Variants in KLK14 observed in about 807,000 individuals in gnomAD.
The protein encoded by KLK14 is kallikrein related peptidase 14.
In KLK14, 21 loss-of-function variants were observed where a neutral mutation model predicts 24.6. That is an observed-to-expected ratio of 0.85 (90% confidence interval 0.61 to 1.23). The LOEUF (loss-of-function observed/expected upper bound fraction) is 1.23, where lower values mean the gene tolerates loss of function less well. Among genes scored for constraint, KLK14 ranks in the 50% most tolerant of loss-of-function variants. The pLI is 0.00. For synonymous variants in KLK14, 133 were observed against 139.7 expected (o/e 0.95, Z 0.34); for missense variants, 320 against 338.9 (o/e 0.94, Z 0.44).
Position 51,082,486 on chromosome 19 carries a change from T to C in KLK14, c.40+89A>G, listed in dbSNP as rs1206418919. 5.0e-6 allele frequency: 6 copies of C among 1,205,746 alleles called. No homozygotes were observed. The East Asian group carries it at 1.4e-4, about 28-fold the overall frequency. The allele number at this position is 1,205,746 out of a possible 1,614,324, so 74.7% of individuals were successfully genotyped here. A position where few individuals can be genotyped will look rare whatever the true frequency, so the allele number is the denominator to read the frequency against. On this transcript the variant is annotated intron_variant, in intron 2 of 5. Coordinates refer to ENST00000650543, the MANE Select transcript of KLK14 (RefSeq NM_001369775.2). The stretch of plus-strand genomic sequence containing the variant: ...CCTGCTCTTTCTTATGAGGTCACCA[T>C]GAGCATCCAGGGGCCCCAAGGACCC...
chr19:51,081,435 A>G (rs2091838421), intron 3 of KLK14, 97 bp downstream of exon 3: 2 of 1,162,572 alleles, frequency 1.7e-6, no homozygotes, highest in South Asian at 2.7e-5. Flanking sequence ...CAGCCACTAC[A>G]TTGGGTTCTA....
At chr19:51,083,878 C>T (rs1599799952), upstream of KLK14, among the ~76,000 whole-genome samples, 1 of 152,086 alleles carries the variant, frequency 6.6e-6, no homozygotes, top group African/African-American at 2.4e-5. Context: ...AGAACAACAG[C>T]GATGATGATG....
rs1203914292 is a variant in KLK14 at position 51,078,753 on chromosome 19, C to A, written c.603+62G>T. The stretch of plus-strand genomic sequence containing the variant: ...CCTCTGCAGACTTCCATGCTCCTGA[C>A]ATCATTTGCTTAAATCCCAGTCCCA... On this transcript the variant is annotated intron_variant, in intron 5 of 5. Transcript: ENST00000650543. The surrounding 1 kb of genome is among the most constrained non-coding windows in gnomAD (Gnocchi z 5.0). 1.2e-5 allele frequency: 19 copies of A among 1,587,052 alleles called. No individual in the cohort carries two copies. The highest frequency in any genetic ancestry group is 1.5e-5 in the Non-Finnish European group (18 of 1,165,470).
rs991753258 is a variant in KLK14 at position 51,078,506 on chromosome 19, G to A, written c.603+309C>T. 1.3e-5 allele frequency among the ~76,000 whole-genome samples: 2 copies of A among 152,082 alleles called. No individual in the cohort carries two copies. Among genetic ancestry groups the A allele is most frequent in the African/African-American group, 2.4e-5 (1 of 41,378 alleles). ...TAAGATTTCTAGAAGCCTCAGCACA[G>A]CCTTTCCCAGACCCATATGAGCAGA... On this transcript the variant is annotated intron_variant, in intron 5 of 5. Transcript: ENST00000650543. This position sits in a 1 kb window ranked among gnomAD's most constrained non-coding sequence, Gnocchi z 5.0.
upstream of KLK14, among the ~76,000 whole-genome samples, chr19:51,083,129 G>A (rs193176865): frequency 1.5e-4 from 23 of 152,152 alleles, no homozygotes; most frequent in African/African-American, 5.5e-4. Flanking sequence ...CCCCAGGGCA[G>A]GGTGGGCAGG....
chr19:51,081,389 T>TG (rs112990539), intron 3 of KLK14, 143 bp downstream of exon 3: 253,204 of 663,850 alleles, frequency 0.38, 53,824 homozygotes, highest in African/African-American at 0.65. Context: ...GCTGTGTTTT[T>TG]GTTCCAGGCT....
upstream of KLK14, chr19:51,083,994 A>G (rs1412955716): frequency 1.3e-5 from 2 of 153,288 alleles, no homozygotes; most frequent in East Asian, 1.9e-4. Flanking sequence ...ATGGGCACCT[A>G]CAGGGGATGG....
chr19:51,080,892 C>T (rs983364246), intron 3 of KLK14, among the ~76,000 whole-genome samples: 7 of 152,082 alleles, frequency 4.6e-5, no homozygotes, highest in Non-Finnish European at 4.4e-5. Context: ...AGGCTGGTCT[C>T]GAACTCCTGA....
upstream of KLK14, among the ~76,000 whole-genome samples, chr19:51,083,384 GGGA>G: frequency 1.5e-5 from 2 of 129,386 alleles, no homozygotes; most frequent in African/African-American, 7.1e-5. Flanking sequence ...GGTGACGGGG[GGGA>G]GAGAGAGAGA....
chr19:51,078,901 C>T lies in KLK14; in HGVS notation c.517G>A (p.Glu173Lys), dbSNP rs1051936869. The T allele has an allele frequency of 1.2e-6, 2 of 1,613,954 alleles. No individual in the cohort carries two copies. The highest frequency in any genetic ancestry group is 1.3e-5 in the African/African-American group (1 of 74,914). Reference sequence around the variant, plus strand: ...CTAGGATAGGCCTTCTGGCACACCTCATCCGGGGAGATGTTGATGTTCACG... The same window carrying T: ...CTAGGATAGGCCTTCTGGCACACCTTATCCGGGGAGATGTTGATGTTCACG... The part of the protein sequence containing the change: ...QCVNINISPD[E>K]VCQKAYPRTI... The change falls in exon 5 of 6, where the codon GAG becomes AAG. Residue 173 changes from glutamate to lysine, a missense_variant. Glu to Lys is a moderately conservative substitution (Grantham distance 56, BLOSUM62 1). Coordinates refer to ENST00000650543, the MANE Select transcript of KLK14 (RefSeq NM_001369775.2). The surrounding 1 kb of genome is among the most constrained non-coding windows in gnomAD (Gnocchi z 5.0).
At chr19:51,082,422 C>T (rs1253978440) in intron 2 of KLK14, among the ~76,000 whole-genome samples, 153 bp downstream of exon 2, 1 of 152,068 alleles carries the variant, frequency 6.6e-6, no homozygotes. Context: ...GGAATTTAGG[C>T]CTCCAGCACG....
chr19:51,082,498 G>GGCCCCAA, intron 2 of KLK14, 77 bp downstream of exon 2: 1 of 1,421,460 alleles, frequency 7.0e-7, no homozygotes, highest in Non-Finnish European at 9.8e-7. Flanking sequence ...AGCATCCAGG[G>GGCCCCAA]GCCCCAAGGA....
rs542183921 is a variant in KLK14 at position 51,079,448 on chromosome 19, C to A, written c.466+1G>T. 2.5e-6 allele frequency: 4 copies of A among 1,607,028 alleles called. No individual in the cohort carries two copies. The African/African-American group carries it at 4.0e-5, about 16-fold the overall frequency. ...GCTTTCCAAGACGCAGGAGTCCTCA[C>A]CGATGGGGCTGGATATAGTTCCCCA... is the stretch of plus-strand genomic sequence containing the variant. On this transcript the variant is annotated splice_donor_variant, in intron 4 of 5. Coordinates refer to ENST00000650543, the MANE Select transcript of KLK14 (RefSeq NM_001369775.2). LOFTEE classifies it high-confidence loss of function.
At chr19:51,081,374 C>T (rs1360823309) in intron 3 of KLK14, among the ~76,000 whole-genome samples, 158 bp downstream of exon 3, 1 of 126,072 alleles carries the variant, frequency 7.9e-6, no homozygotes, top group Non-Finnish European at 1.6e-5. Flanking sequence ...GAGCCCACAT[C>T]CCGAGCTGTG....
At position 51,079,585 on chromosome 19, in the gene KLK14, G is replaced by T. The variant is rs746392344; in HGVS notation, c.330C>A (p.Asn110Lys). The stretch of plus-strand genomic sequence containing the variant: ...GCTGTAGCTGCAGCAGCATGAGGTC[G>T]TTGTCGTGGGTCCGGGAGTTGTAGT... ...HPNYNSRTHD[N>K]DLMLLQLQQP... Residue 110 changes from asparagine (N) to lysine (K), a missense_variant, in exon 4 of 6, where the codon AAC (asparagine) becomes AAA (lysine). Asn to Lys is a moderately conservative substitution (Grantham distance 94). Coordinates refer to ENST00000650543, the MANE Select transcript of KLK14 (RefSeq NM_001369775.2). The T allele has an allele frequency of 1.9e-6, 3 of 1,613,818 alleles. No homozygotes were observed. Among genetic ancestry groups the T allele is most frequent in the Non-Finnish European group, 1.7e-6 (2 of 1,179,978 alleles).
Position 51,078,307 on chromosome 19 carries a change from C to T in KLK14, c.604-148G>A. 1 of 877,918 alleles carries T rather than the reference C, an allele frequency of 1.1e-6. No individual in the cohort carries two copies. The highest frequency in any genetic ancestry group is 1.7e-6 in the Non-Finnish European group (1 of 586,510). The allele number at this position is 877,918 out of a possible 1,614,324, so 54.4% of individuals were successfully genotyped here. A position where few individuals can be genotyped will look rare whatever the true frequency, so the allele number is the denominator to read the frequency against. On this transcript the variant is annotated intron_variant, in intron 5 of 5. Transcript: ENST00000650543. This position sits in a 1 kb window ranked among gnomAD's most constrained non-coding sequence, Gnocchi z 5.0. ...CAGTCCTGCCCCAGCTCTGAGGTCT[C>T]AGCCCCGGAGGTCGGGGCACTTCCT...
In KLK14 at chr19:51,078,512, C is replaced by T. The variant is rs1373337307; in HGVS notation, c.603+303G>A. Among the ~76,000 whole-genome samples the T allele has an allele frequency of 6.6e-6, 1 of 152,178 alleles. No individual in the cohort carries two copies. The highest frequency in any genetic ancestry group is 2.4e-5 in the African/African-American group (1 of 41,426). On this transcript the variant is annotated intron_variant, in intron 5 of 5. Coordinates refer to ENST00000650543, the MANE Select transcript of KLK14 (RefSeq NM_001369775.2). This position sits in a 1 kb window ranked among gnomAD's most constrained non-coding sequence, Gnocchi z 5.0. ...TTCTAGAAGCCTCAGCACAGCCTTT[C>T]CCAGACCCATATGAGCAGAGGCCAC...
At chr19:51,083,979 G>A (rs1762314910), upstream of KLK14, among the ~76,000 whole-genome samples, 1 of 151,880 alleles carries the variant, frequency 6.6e-6, no homozygotes, top group Admixed American at 6.6e-5. Context: ...GGGGAGACGG[G>A]AAGGATGGGC....
In KLK14 at chr19:51,078,342, G is replaced by A. The variant is rs894637964; in HGVS notation, c.604-183C>T. Among the ~76,000 whole-genome samples, 2 of 152,092 alleles carry A rather than the reference G, an allele frequency of 1.3e-5. No individual in the cohort carries two copies. The highest frequency in any genetic ancestry group is 2.1e-4 in the South Asian group (1 of 4,826). On this transcript the variant is annotated intron_variant, in intron 5 of 5. Coordinates refer to ENST00000650543, the MANE Select transcript of KLK14 (RefSeq NM_001369775.2). This position sits in a 1 kb window ranked among gnomAD's most constrained non-coding sequence, Gnocchi z 5.0. ...GGTCGGGGCACTTCCTTCCCTCTCC[G>A]CTGGGTCTGGCTCTGTCTCTGTGTG... is the stretch of plus-strand genomic sequence containing the variant.
Sources: allele counts gnomAD v4.1 joint callset (sites outside exome capture counted in the v4.1 genomes callset), GRCh38; gene constraint gnomAD v4.1.1; non-coding constraint Gnocchi (gnomAD v3.1); transcripts MANE v1.5; gene names NCBI Gene and HGNC (gene_info 2026-07-23, HGNC 2026-07-21).